Variants in EPB41L3 observed in about 807,000 individuals in gnomAD.
The protein encoded by EPB41L3 is erythrocyte membrane protein band 4.1 like 3.
EPB41L3 carries 57 observed loss-of-function variants against 127.1 expected under a neutral mutation model. The observed-to-expected ratio is 0.45, with a 90% CI of 0.36 to 0.56. The LOEUF is 0.56. Ranked by LOEUF, EPB41L3 falls within the 20% of genes least tolerant of loss-of-function variation. The pLI is 0.00. For synonymous variants in EPB41L3, 572 were observed against 549.5 expected (o/e 1.04, Z -0.57); for missense variants, 1,273 against 1,372.2 (o/e 0.93, Z 1.14).
intron 3 of EPB41L3, among the ~76,000 whole-genome samples, chr18:5,592,078 C>T (rs1323820246): frequency 6.6e-6 from 1 of 152,148 alleles, no homozygotes; most frequent in Non-Finnish European, 1.5e-5. Flanking sequence ...AGCTAATCAA[C>T]TATTATAATA....
chr18:5,503,746 A>G (rs185209157), intron 1 of EPB41L3, among the ~76,000 whole-genome samples: 12 of 152,368 alleles, frequency 7.9e-5, no homozygotes, highest in Non-Finnish European at 1.5e-4. Context: ...CAAAGTTGGT[A>G]CAGCAATTTT....
In EPB41L3 at chr18:5,496,103, A is replaced by G. The variant is rs1598323260; in HGVS notation, c.-11-6909T>C. 2.6e-5 allele frequency among the ~76,000 whole-genome samples: 4 copies of G among 152,162 alleles called. No individual in the cohort carries two copies. The East Asian group carries it at 7.7e-4, about 29-fold the overall frequency. On this transcript the variant is annotated intron_variant, in intron 1 of 22. Coordinates refer to ENST00000341928, the MANE Select transcript of EPB41L3 (RefSeq NM_012307.5). ...TTACACAGATAACCTGAAAAAGTTG[A>G]AAAAAACACTTAATAGATTGGGAAA...
At chr18:5,560,268 T>C (rs144150685) in intron 3 of EPB41L3, among the ~76,000 whole-genome samples, 141 of 152,320 alleles carry the variant, frequency 9.3e-4, no homozygotes, top group African/African-American at 3.3e-3. Context: ...CTTTGATTAA[T>C]GGCATAGCAA....
intron 1 of EPB41L3, among the ~76,000 whole-genome samples, chr18:5,506,645 A>T (rs2092226036): frequency 6.6e-6 from 1 of 152,124 alleles, no homozygotes; most frequent in African/African-American, 2.4e-5. Flanking sequence ...AAGCCCCAGG[A>T]AGTGGGGGAT....
intron 5 of EPB41L3, 65 bp downstream of exon 5, chr18:5,443,773 A>C: frequency 7.3e-7 from 1 of 1,377,968 alleles, no homozygotes; most frequent in East Asian, 2.3e-5. Context: ...ATGGGCTACC[A>C]ATTCAGACAA....
At chr18:5,520,125 A>G (rs2092926867) in intron 1 of EPB41L3, among the ~76,000 whole-genome samples, 1 of 152,196 alleles carries the variant, frequency 6.6e-6, no homozygotes, top group African/African-American at 2.4e-5. Context: ...AGATGCCCCA[A>G]AAAGAAATAT....
chr18:5,398,781 C>T (rs988279587), intron 16 of EPB41L3: 2 of 399,338 alleles, frequency 5.0e-6, no homozygotes, highest in South Asian at 1.3e-4. Flanking sequence ...TAAGACCTCA[C>T]TCTCGGGCAC....
chr18:5,563,799 G>A (rs1165934535), intron 3 of EPB41L3, among the ~76,000 whole-genome samples: 1 of 152,192 alleles, frequency 6.6e-6, no homozygotes, highest in African/African-American at 2.4e-5. Flanking sequence ...GATAAATTCT[G>A]TTGTGTACAG....
intron 1 of EPB41L3, among the ~76,000 whole-genome samples, chr18:5,624,396 T>C (rs1048770096): frequency 1.3e-5 from 2 of 152,240 alleles, no homozygotes; most frequent in East Asian, 3.8e-4. Flanking sequence ...ACTCTCCACA[T>C]TCTATTCTAC....
rs547907948 is a variant in EPB41L3, at chr18:5,542,665, T to C, written c.-12+1248A>G. 2.6e-4 allele frequency among the ~76,000 whole-genome samples: 39 copies of C among 152,306 alleles called. 1 individual carries two copies. The South Asian group carries it at 7.9e-3, about 31-fold the overall frequency. ...CCACATGTTTCCTTTATCATTCTAT[T>C]TGTTCTGTTCCGCAACAATCTCTAC... On this transcript the variant is annotated intron_variant, in intron 1 of 22. Transcript: ENST00000341928.
At chr18:5,430,994 T>C (rs115369934) in intron 8 of EPB41L3, among the ~76,000 whole-genome samples, 2,731 of 152,216 alleles carry the variant, frequency 0.018, 50 homozygotes, top group South Asian at 0.05. Flanking sequence ...ATCATGAAAA[T>C]AAAGGGGCAT....
At chr18:5,564,171 G>A (rs1039844632) in intron 3 of EPB41L3, among the ~76,000 whole-genome samples, 1 of 152,110 alleles carries the variant, frequency 6.6e-6, no homozygotes, top group African/African-American at 2.4e-5. Flanking sequence ...TAATAATTCT[G>A]TGTATCAAGG....
rs543444709 is a variant in EPB41L3, at chr18:5,601,080, T to G, written c.-306+11260A>C. Among the ~76,000 whole-genome samples, 185 of 152,230 alleles carry G rather than the reference T, an allele frequency of 1.2e-3. 2 individuals are homozygous for G. The highest frequency in any genetic ancestry group is 3.4e-3 in the Middle Eastern group (1 of 292). On this transcript the variant is annotated intron_variant, in intron 3 of 21. Coordinates refer to the EPB41L3 transcript ENST00000545076. ...GCAAAATATCCAAAATACATGGATA[T>G]TTTGCTCTTTGCTTTCCATGATTCA...
chr18:5,441,547 G>C (rs1423745052), intron 5 of EPB41L3, among the ~76,000 whole-genome samples: 1 of 150,654 alleles, frequency 6.6e-6, no homozygotes, highest in South Asian at 2.1e-4. Flanking sequence ...CTCACTGCAA[G>C]CTCCGCCTCC....
At chr18:5,518,229 G>A (rs1450022683) in intron 1 of EPB41L3, among the ~76,000 whole-genome samples, 3 of 151,836 alleles carry the variant, frequency 2.0e-5, no homozygotes, top group Non-Finnish European at 4.4e-5. Flanking sequence ...CTGGATCCTC[G>A]CCACCTCCAA....
At chr18:5,435,664 T>G (rs985279865) in intron 6 of EPB41L3, among the ~76,000 whole-genome samples, 3 of 152,176 alleles carry the variant, frequency 2.0e-5, no homozygotes, top group African/African-American at 7.2e-5. Flanking sequence ...AAGATGCATT[T>G]CTCAGAATGT....
At chr18:5,455,293 C>G (rs113901007) in intron 3 of EPB41L3, among the ~76,000 whole-genome samples, 1 of 147,718 alleles carries the variant, frequency 6.8e-6, no homozygotes, top group Non-Finnish European at 1.5e-5. Context: ...ATTACTCTTA[C>G]GAAAAAAAAA....
At chr18:5,465,780 C>T (rs1309756292) in intron 3 of EPB41L3, among the ~76,000 whole-genome samples, 1 of 152,042 alleles carries the variant, frequency 6.6e-6, no homozygotes, top group Non-Finnish European at 1.5e-5. Context: ...TTCTTAAGTT[C>T]AAAAATCAAT....
At chr18:5,599,431 G>C (rs114393972) in intron 3 of EPB41L3, among the ~76,000 whole-genome samples, 1 of 152,140 alleles carries the variant, frequency 6.6e-6, no homozygotes, top group African/African-American at 2.4e-5. Context: ...CCTCAGACCA[G>C]TATTTAGTCC....
Sources: gnomAD v4.1 joint callset for allele counts (sites outside exome capture counted in the v4.1 genomes callset) on GRCh38, gnomAD v4.1.1 for gene constraint, MANE v1.5 for transcripts, NCBI Gene and HGNC (gene_info 2026-07-23, HGNC 2026-07-21) for gene names.